Variants in ZC3H12B observed in about 807,000 individuals in gnomAD.
The protein encoded by ZC3H12B is probable ribonuclease ZC3H12B.
In ZC3H12B, 7 loss-of-function variants were observed where a neutral mutation model predicts 43.9. The observed-to-expected ratio is 0.16, with a 90% CI of 0.09 to 0.30. ZC3H12B has a LOEUF of 0.30. Ranked by LOEUF, ZC3H12B falls within the 10% of genes least tolerant of loss-of-function variation. ZC3H12B has a pLI of 1.00. For synonymous variants in ZC3H12B, 222 were observed against 241.7 expected (o/e 0.92, Z 0.76); for missense variants, 475 against 670.2 (o/e 0.71, Z 3.22).
the ZC3H12B span, among the ~76,000 whole-genome samples, chrX:65,220,058 C>T: frequency 9.0e-6 from 1 of 111,186 alleles, no homozygotes; most frequent in Non-Finnish European, 1.9e-5. Context: ...TCTTTAGCCT[C>T]CTCAAACAAA....
At chrX:65,312,221 A>G in the ZC3H12B span, among the ~76,000 whole-genome samples, 1 of 111,831 alleles carries the variant, frequency 8.9e-6, no homozygotes. Context: ...TAGTAGCAGT[A>G]TGTTTCTTGG....
chrX:65,081,025 C>CT, the ZC3H12B span, among the ~76,000 whole-genome samples: 15 of 107,363 alleles, frequency 1.4e-4, no homozygotes, highest in East Asian at 2.9e-4. Context: ...TTTCTTTCTG[C>CT]TTTTTTTTAA....
the ZC3H12B span, among the ~76,000 whole-genome samples, chrX:65,236,679 G>T: frequency 9.0e-6 from 1 of 111,518 alleles, no homozygotes; most frequent in South Asian, 3.7e-4. Context: ...TATAGTTTTG[G>T]GTTTTACATT....
At chrX:65,187,425 G>A in the ZC3H12B span, among the ~76,000 whole-genome samples, 1 of 111,434 alleles carries the variant, frequency 9.0e-6, no homozygotes, top group East Asian at 2.8e-4. Context: ...CAGAGCTAAT[G>A]TTTTGATTTT....
chrX:65,122,528 A>T, the ZC3H12B span, among the ~76,000 whole-genome samples: 1 of 111,526 alleles, frequency 9.0e-6, no homozygotes. Context: ...AAATTCACAC[A>T]TAACATTATT....
the ZC3H12B span, among the ~76,000 whole-genome samples, chrX:65,121,571 A>G: frequency 1.6e-4 from 18 of 111,171 alleles, no homozygotes; most frequent in Non-Finnish European, 3.0e-4. Flanking sequence ...CTAGCAGTCT[A>G]TCAATTTTGT....
At chrX:65,369,178 AAAT>A (rs2147977731) in intron 2 of ZC3H12B, among the ~76,000 whole-genome samples, 180 bp downstream of exon 4, 1 of 112,101 alleles carries the variant, frequency 8.9e-6, no homozygotes, top group South Asian at 3.7e-4. Context: ...TCAGTTAATA[AAAT>A]TATCTTCTTA....
chrX:65,505,768 C>T (rs1012470544), exon 5 of ZC3H12B: 5 of 112,538 alleles, frequency 4.4e-5, no homozygotes, highest in African/African-American at 1.6e-4. Flanking sequence ...ACCTACAATT[C>T]GTCTTGAACA....
chrX:65,329,428 C>T, the ZC3H12B span, among the ~76,000 whole-genome samples: 25 of 105,445 alleles, frequency 2.4e-4, 1 homozygote, highest in South Asian at 8.4e-3. Flanking sequence ...TGTTTGAGTT[C>T]ATTGTAGATT....
chrX:65,073,078 G>A, the ZC3H12B span, among the ~76,000 whole-genome samples: 1 of 112,426 alleles, frequency 8.9e-6, no homozygotes, highest in South Asian at 3.7e-4. Context: ...GATATGAGTG[G>A]TGCTGACAGG....
chrX:65,405,818 A>C (rs1004548655), intron 3 of ZC3H12B, among the ~76,000 whole-genome samples: 2 of 111,873 alleles, frequency 1.8e-5, no homozygotes, highest in African/African-American at 6.5e-5. Context: ...GAGACATTAC[A>C]ACTGATACTG....
At chrX:65,326,552 A>G in the ZC3H12B span, among the ~76,000 whole-genome samples, 1 of 109,988 alleles carries the variant, frequency 9.1e-6, no homozygotes, top group Non-Finnish European at 1.9e-5. Context: ...ATAGGTACAA[A>G]TATATGCTTG....
chrX:65,132,750 A>G, the ZC3H12B span, among the ~76,000 whole-genome samples: 1 of 111,446 alleles, frequency 9.0e-6, no homozygotes, highest in Non-Finnish European at 1.9e-5. Flanking sequence ...TATGGAGGCA[A>G]GGGAAACAGG....
At chrX:65,228,169 A>G in the ZC3H12B span, among the ~76,000 whole-genome samples, 1 of 111,960 alleles carries the variant, frequency 8.9e-6, no homozygotes, top group African/African-American at 3.3e-5. Flanking sequence ...GCAACACATC[A>G]AAAAGCTTAT....
At chrX:65,183,570 A>T in the ZC3H12B span, among the ~76,000 whole-genome samples, 1 of 111,987 alleles carries the variant, frequency 8.9e-6, no homozygotes, top group African/African-American at 3.2e-5. Context: ...AAAATTATAC[A>T]TATATGAAGA....
the ZC3H12B span, among the ~76,000 whole-genome samples, chrX:65,169,426 C>T: frequency 8.9e-6 from 1 of 111,808 alleles, no homozygotes; most frequent in Non-Finnish European, 1.9e-5. Flanking sequence ...TGTTATTTTA[C>T]ATTTGCTGAG....
the ZC3H12B span, among the ~76,000 whole-genome samples, chrX:65,173,968 T>G: frequency 9.0e-6 from 1 of 111,690 alleles, no homozygotes; most frequent in Non-Finnish European, 1.9e-5. Context: ...TGCTTTCTGT[T>G]TGTTAGTTTT....
At chrX:65,133,351 G>C in the ZC3H12B span, among the ~76,000 whole-genome samples, 3 of 110,478 alleles carry the variant, frequency 2.7e-5, no homozygotes, top group African/African-American at 9.9e-5. Context: ...GTCGGGAGTG[G>C]ATTGGGTAAT....
the ZC3H12B span, among the ~76,000 whole-genome samples, chrX:65,270,727 A>G: frequency 1.0e-3 from 117 of 112,357 alleles, no homozygotes; most frequent in Non-Finnish European, 1.7e-3. Flanking sequence ...ATATTAAAAA[A>G]TACAAAACAT....
Sources: gnomAD v4.1 joint callset for allele counts (sites outside exome capture counted in the v4.1 genomes callset) on GRCh38, gnomAD v4.1.1 for gene constraint, MANE v1.5 for transcripts, NCBI Gene and HGNC (gene_info 2026-07-23, HGNC 2026-07-21) for gene names.